Variants in FNDC7 observed in about 807,000 individuals in gnomAD.
FNDC7 encodes the protein fibronectin type III domain containing 7, also known as fibronectin type III domain-containing protein 7.
In FNDC7, 66 loss-of-function variants were observed where a neutral mutation model predicts 74.2. The observed-to-expected ratio is 0.89, with a 90% CI of 0.73 to 1.09. The LOEUF is 1.09. FNDC7 is among the 50% of genes least tolerant of loss of function. The pLI is 0.00. For synonymous variants in FNDC7, 307 were observed against 330.2 expected (o/e 0.93, Z 0.76); for missense variants, 829 against 893.4 (o/e 0.93, Z 0.92).
chr1:108,725,792 CT>C lies in FNDC7; in HGVS notation c.900del (p.Gly301AlafsTer10). ...PGRVTIQEDP[P>X]GHLSVAWSSV... Reference sequence around the variant, plus strand: ...AGAGTGACGATCCAAGAAGATCCCCCTGGCCACCTGTCTGTGGCTTGGTCCA... The same window carrying C: ...AGAGTGACGATCCAAGAAGATCCCCCGGCCACCTGTCTGTGGCTTGGTCCA... On this transcript the variant is annotated frameshift_variant, in exon 6 of 13. Coordinates refer to ENST00000370017, the MANE Select transcript of FNDC7 (RefSeq NM_001144937.3). LOFTEE classifies it high-confidence loss of function. 6.2e-7 allele frequency: 1 copy of C among 1,614,182 alleles called. No homozygotes were observed. The highest frequency in any genetic ancestry group is 8.5e-7 in the Non-Finnish European group (1 of 1,180,008).
intron 1 of FNDC7, 54 bp from the exon 2 acceptor site, chr1:108,713,457 T>C (rs1660911744): frequency 6.8e-7 from 1 of 1,480,828 alleles, no homozygotes; most frequent in Non-Finnish European, 9.2e-7. Context: ...GTTTTACGTT[T>C]GTTCAAGTTG....
rs771298375 is a variant in FNDC7 at position 108,737,504 on chromosome 1, C to G, written c.2150C>G (p.Ser717Cys). 26 of 1,590,536 alleles carry G rather than the reference C, an allele frequency of 1.6e-5. No individual in the cohort carries two copies. ...CPKKIYSVTCSGSTLGMVIYR... is the reference protein window; with the variant it reads ...CPKKIYSVTCCGSTLGMVIYR... ...TGTGTTTTTATTACAGTAACTTGCT[C>G]TGGAAGTACACTTGGAATGGGTAAG... is the stretch of plus-strand genomic sequence containing the variant. The change falls in exon 11 of 13, where the codon TCT becomes TGT. Residue 717 changes from serine to cysteine, a missense_variant. By Grantham distance (112) the Ser-to-Cys change is moderately radical. Coordinates refer to ENST00000370017, the MANE Select transcript of FNDC7 (RefSeq NM_001144937.3).
At chr1:108,738,076 A>G (rs1434443715) in intron 11 of FNDC7, among the ~76,000 whole-genome samples, 1 of 152,220 alleles carries the variant, frequency 6.6e-6, no homozygotes, top group Non-Finnish European at 1.5e-5. Flanking sequence ...TGGTCGGTGT[A>G]GGAAGTGTCT....
chr1:108,737,405 T>C (rs915611931), intron 10 of FNDC7, 90 bp from the exon 11 acceptor site: 2 of 1,252,260 alleles, frequency 1.6e-6, no homozygotes, highest in Non-Finnish European at 2.2e-6. Flanking sequence ...TTGGTTTACT[T>C]TCCTTTTATT....
intron 6 of FNDC7, 51 bp from the exon 7 acceptor site, chr1:108,727,757 G>T: frequency 6.3e-7 from 1 of 1,597,070 alleles, no homozygotes. Context: ...TGTACCCCCA[G>T]CTGCATTGCT....
intron 9 of FNDC7, among the ~76,000 whole-genome samples, chr1:108,732,416 G>A (rs1557792222): frequency 6.6e-6 from 1 of 151,754 alleles, no homozygotes; most frequent in South Asian, 2.1e-4. Flanking sequence ...TCACTGGCAT[G>A]TTGTATAAAT....
Position 108,728,742 on chromosome 1 carries a change from G to A in FNDC7, c.1480G>A (p.Glu494Lys), listed in dbSNP as rs541856777. 36 of 1,614,270 alleles carry A rather than the reference G, an allele frequency of 2.2e-5. No homozygotes were observed. The African/African-American group carries it at 2.4e-4, about 11-fold the overall frequency. ...TACTTACACGGTGACTGCCCAAGGG[G>A]AGAAAGGACTGTATCAGTGCAGCAG... ...DATYTVTAQG[E>K]KGLYQCSSTG... Residue 494 changes from glutamate to lysine, a missense_variant, in exon 8 of 13, where the codon GAG becomes AAG. Coordinates refer to ENST00000370017, the MANE Select transcript of FNDC7 (RefSeq NM_001144937.3).
Position 108,728,066 on chromosome 1 carries a change from G to A in FNDC7, c.1369+1G>A, listed in dbSNP as rs1426017575. The A allele has an allele frequency of 6.2e-7, 1 of 1,611,840 alleles. No individual in the cohort carries two copies. Among genetic ancestry groups the A allele is most frequent in the South Asian group, 1.1e-5 (1 of 90,674 alleles). Reference sequence around the variant, plus strand: ...TGTACTCCCCAGTTCATAACCACAGGTAAGGCACAGCTATCATTCCACTCA... The same window carrying A: ...TGTACTCCCCAGTTCATAACCACAGATAAGGCACAGCTATCATTCCACTCA... On this transcript the variant is annotated splice_donor_variant, in intron 7 of 12. Coordinates refer to ENST00000370017, the MANE Select transcript of FNDC7 (RefSeq NM_001144937.3). LOFTEE classifies it high-confidence loss of function.
chr1:108,732,738 TTTTC>T (rs1014283003), intron 9 of FNDC7, among the ~76,000 whole-genome samples: 3 of 151,874 alleles, frequency 2.0e-5, no homozygotes, highest in Admixed American at 6.6e-5. Context: ...CTTTTCTCTT[TTTTC>T]TTTCTTTCTT....
At chr1:108,732,284 G>A (rs1335740091) in intron 9 of FNDC7, among the ~76,000 whole-genome samples, 3 of 150,454 alleles carry the variant, frequency 2.0e-5, no homozygotes, top group South Asian at 2.1e-4. Context: ...GCGTGAACCC[G>A]GGAGGCGGAG....
intron 2 of FNDC7, among the ~76,000 whole-genome samples, chr1:108,714,309 A>G (rs1390912728): frequency 6.6e-5 from 10 of 152,250 alleles, no homozygotes; most frequent in Non-Finnish European, 1.2e-4. Flanking sequence ...GACAGTTAAA[A>G]AATTTGATAC....
At position 108,728,680 on chromosome 1, in the gene FNDC7, T is replaced by C. The variant is rs772426792; in HGVS notation, c.1418T>C (p.Met473Thr). ...AATGTTTCAAGGGATGCATTCTCCA[T>C]GATTAATGTGCACTGGCGATCCACT... Reference protein sequence around the residue: ...IKNVSRDAFSMINVHWRSTND... With the variant: ...IKNVSRDAFSTINVHWRSTND... Residue 473 changes from methionine (M) to threonine (T), a missense_variant, in exon 8 of 13, where the codon ATG becomes ACG. Physicochemically the swap from Met to Thr is moderately conservative, Grantham distance 81 (BLOSUM62 -1). Coordinates refer to ENST00000370017, the MANE Select transcript of FNDC7 (RefSeq NM_001144937.3). The C allele has an allele frequency of 6.9e-5, 111 of 1,614,148 alleles. No homozygotes were observed. The highest frequency in any genetic ancestry group is 9.3e-5 in the Non-Finnish European group (110 of 1,180,056).
Position 108,733,510 on chromosome 1 carries a change from C to T in FNDC7, c.2118C>T (p.Phe706=). 6 of 1,612,352 alleles carry T rather than the reference C, an allele frequency of 3.7e-6. No individual in the cohort carries two copies. Among genetic ancestry groups the T allele is most frequent in the Non-Finnish European group, 5.1e-6 (6 of 1,178,676 alleles). Residue 706 remains phenylalanine (F), a synonymous_variant, in exon 10 of 13, where the codon TTC becomes TTT. Transcript: ENST00000370017. The part of the protein sequence containing the change: ...PVAKTGLKLT[F]CPKKIYSVTC... ...CTAAAACAGGATTGAAGCTTACTTTCTGTCCAAAAAAAATATATTCAGGTA... is the reference window on the plus strand; with the variant it reads ...CTAAAACAGGATTGAAGCTTACTTTTTGTCCAAAAAAAATATATTCAGGTA...
intron 10 of FNDC7, among the ~76,000 whole-genome samples, chr1:108,735,263 C>A (rs1018591494): frequency 2.0e-5 from 3 of 152,184 alleles, no homozygotes; most frequent in African/African-American, 7.2e-5. Flanking sequence ...ATGCCTCAGG[C>A]CCTCACCACC....
intron 2 of FNDC7, among the ~76,000 whole-genome samples, chr1:108,715,273 A>T (rs1341572611): frequency 1.1e-4 from 16 of 152,182 alleles, no homozygotes; most frequent in Admixed American, 1.0e-3. Context: ...GCTGAGAATC[A>T]AAGGGTTCAT....
intron 4 of FNDC7, 96 bp downstream of exon 4, chr1:108,719,145 T>C (rs1661039252): frequency 7.4e-7 from 1 of 1,358,164 alleles, no homozygotes; most frequent in East Asian, 2.5e-5. Flanking sequence ...ACATGACAAG[T>C]ACAGAGCAGC....
chr1:108,736,023 G>C (rs1278063546), intron 10 of FNDC7, among the ~76,000 whole-genome samples: 1 of 152,048 alleles, frequency 6.6e-6, no homozygotes. Flanking sequence ...GCCCAGGCTG[G>C]TCTTGAACTC....
chr1:108,740,764 A>T (rs1277053428), intron 11 of FNDC7, among the ~76,000 whole-genome samples: 1 of 152,226 alleles, frequency 6.6e-6, no homozygotes, highest in Non-Finnish European at 1.5e-5. Flanking sequence ...TCATAAAAGA[A>T]AATCAGGATT....
intron 6 of FNDC7, among the ~76,000 whole-genome samples, chr1:108,726,517 A>T (rs2101082984): frequency 6.6e-6 from 1 of 152,270 alleles, no homozygotes; most frequent in African/African-American, 2.4e-5. Context: ...GCAAAATGGG[A>T]CAAATCATGA....
Sources: allele counts gnomAD v4.1 joint callset (sites outside exome capture counted in the v4.1 genomes callset), GRCh38; gene constraint gnomAD v4.1.1; transcripts MANE v1.5; gene names NCBI Gene and HGNC (gene_info 2026-07-23, HGNC 2026-07-21).